DAB1: variants seen among roughly 807,000 people sequenced by gnomAD.
The protein encoded by DAB1 is DAB adaptor protein 1.
Under a neutral mutation model 64.6 loss-of-function variants are expected in DAB1, and 15 were observed. The ratio of observed to expected loss-of-function variants is 0.23; its 90% CI spans 0.16 to 0.36. The LOEUF (loss-of-function observed/expected upper bound fraction) is 0.36. Among genes scored for constraint, DAB1 ranks in the 10% least tolerant of loss-of-function variants. The pLI, the probability that DAB1 is intolerant of heterozygous loss-of-function variation, is 1.00. For synonymous variants in DAB1, 235 were observed against 251.9 expected, an observed-to-expected ratio of 0.93 and a Z score of 0.64; for missense variants, 596 against 706.7, an observed-to-expected ratio of 0.84 and a Z score of 1.78.
intron 7 of DAB1, among the ~76,000 whole-genome samples, chr1:57,502,467 A>G (rs1406908713): frequency 6.6e-6 from 1 of 152,152 alleles, no homozygotes; most frequent in East Asian, 1.9e-4. Context: ...ACTTTCTTTC[A>G]CAGCACTTAA....
chr1:58,474,514 C>T (rs1220996016), intron 3 of DAB1, among the ~76,000 whole-genome samples: 1 of 152,096 alleles, frequency 6.6e-6, no homozygotes, highest in Admixed American at 6.6e-5. Context: ...CTTTGGGTAC[C>T]TGTTAGGGTC....
chr1:58,423,318 A>G (rs1252224521), intron 3 of DAB1, among the ~76,000 whole-genome samples: 3 of 152,170 alleles, frequency 2.0e-5, no homozygotes, highest in African/African-American at 7.2e-5. Flanking sequence ...GCCAAGTCCA[A>G]TATCAAAAAA....
At chr1:57,784,425 A>G (rs1368317444) in intron 6 of DAB1, among the ~76,000 whole-genome samples, 1 of 152,126 alleles carries the variant, frequency 6.6e-6, no homozygotes, top group Non-Finnish European at 1.5e-5. Context: ...AAAAGCTGAG[A>G]TAGGTATCTT....
chr1:57,798,013 C>A (rs1327242303), intron 6 of DAB1, among the ~76,000 whole-genome samples: 1 of 152,208 alleles, frequency 6.6e-6, no homozygotes, highest in Non-Finnish European at 1.5e-5. Flanking sequence ...TAAATCCTCA[C>A]AACACCATGT....
At chr1:57,610,800 T>C (rs1485535199) in intron 7 of DAB1, among the ~76,000 whole-genome samples, 2 of 152,212 alleles carry the variant, frequency 1.3e-5, no homozygotes, top group Non-Finnish European at 2.9e-5. Context: ...ATCAATTCAC[T>C]TCCCATGAGG....
chr1:57,633,901 T>C (rs78866928), intron 7 of DAB1, among the ~76,000 whole-genome samples: 1 of 152,210 alleles, frequency 6.6e-6, no homozygotes, highest in Admixed American at 6.5e-5. Flanking sequence ...TTAGGTCATA[T>C]AACGTTTGTC....
intron 9 of DAB1, among the ~76,000 whole-genome samples, chr1:57,043,692 C>A (rs11808305): frequency 0.043 from 6,538 of 152,176 alleles, 476 homozygotes; most frequent in African/African-American, 0.15. Flanking sequence ...ACTAAAAATA[C>A]AAAAATTAGC....
chr1:58,441,310 G>A (rs961887942), intron 3 of DAB1, among the ~76,000 whole-genome samples: 1 of 152,208 alleles, frequency 6.6e-6, no homozygotes, highest in Non-Finnish European at 1.5e-5. Context: ...TGACAGAACT[G>A]GGATTTAAAC....
rs1685472636 is a variant in DAB1 at position 57,430,686 on chromosome 1, A to G, written n.626-139520T>C. Among the ~76,000 whole-genome samples, 3 of 152,024 alleles carry G rather than the reference A, an allele frequency of 2.0e-5. No individual in the cohort carries two copies. In the South Asian group the frequency reaches 6.2e-4, roughly 32 times the overall value. The stretch of plus-strand genomic sequence containing the variant: ...ATTTTTAATAAAGTACAATAGGAAC[A>G]CTCCTACCAAGCTTAATAGAGATGT... On this transcript the variant is annotated intron_variant and non_coding_transcript_variant, in intron 7 of 20. Coordinates refer to the DAB1 transcript ENST00000485760.
chr1:57,442,528 A>AT (rs546031178), intron 7 of DAB1, among the ~76,000 whole-genome samples: 117 of 147,392 alleles, frequency 7.9e-4, no homozygotes, highest in East Asian at 6.7e-3. Flanking sequence ...TTGAGTGAGA[A>AT]TTTTTTTTTT....
chr1:58,348,570 T>A (rs974584503), intron 3 of DAB1, among the ~76,000 whole-genome samples: 3 of 152,216 alleles, frequency 2.0e-5, no homozygotes, highest in Non-Finnish European at 2.9e-5. Context: ...CTAGCTTGGG[T>A]CTGGCCCTAA....
chr1:57,508,492 T>C (rs1644371968), intron 7 of DAB1, among the ~76,000 whole-genome samples: 1 of 152,270 alleles, frequency 6.6e-6, no homozygotes, highest in Non-Finnish European at 1.5e-5. Flanking sequence ...CCTTCTTCCT[T>C]GTCCTTTATC....
intron 4 of DAB1, among the ~76,000 whole-genome samples, chr1:57,127,541 T>C (rs766111107): frequency 6.6e-5 from 10 of 152,174 alleles, no homozygotes; most frequent in Non-Finnish European, 1.5e-4. Flanking sequence ...TTCTTTTTTG[T>C]CTCTCCACCT....
intron 6 of DAB1, among the ~76,000 whole-genome samples, chr1:57,805,528 G>C (rs1651320742): frequency 6.6e-6 from 1 of 152,170 alleles, no homozygotes; most frequent in Admixed American, 6.5e-5. Flanking sequence ...GAATAACTCA[G>C]AGAAGGTAAC....
chr1:58,300,576 GAAAGAAAGAAAGAAAGAAAGAA>G (rs1335999811), intron 4 of DAB1, among the ~76,000 whole-genome samples: 9 of 17,390 alleles, frequency 5.2e-4, no homozygotes, highest in African/African-American at 1.5e-3. Context: ...AAGAAAGAAA[GAAAGAAAGAAAGAAAGAAAGAA>G]AGAAAGAAAG....
chr1:58,366,099 G>A (rs1332808474), intron 3 of DAB1, among the ~76,000 whole-genome samples: 4 of 152,174 alleles, frequency 2.6e-5, no homozygotes, highest in African/African-American at 4.8e-5. Flanking sequence ...TATTCCTTAA[G>A]AAGACCAACC....
intron 5 of DAB1, chr1:58,074,379 T>A (rs1649460186): frequency 6.6e-6 from 1 of 151,350 alleles, no homozygotes; most frequent in Non-Finnish European, 1.5e-5. Context: ...ATATACATAT[T>A]TTTCTCTTTC....
chr1:57,656,581 T>A (rs945875271), intron 6 of DAB1, among the ~76,000 whole-genome samples: 2 of 152,216 alleles, frequency 1.3e-5, no homozygotes, highest in East Asian at 3.9e-4. Flanking sequence ...TGCTTCTAGA[T>A]CTTGGAATAA....
At chr1:58,390,258 C>T (rs932536259) in intron 3 of DAB1, among the ~76,000 whole-genome samples, 2 of 152,000 alleles carry the variant, frequency 1.3e-5, no homozygotes, top group South Asian at 4.1e-4. Flanking sequence ...CCATCAGCTG[C>T]CTTCCTCTGT....
Sources: gnomAD v4.1 joint callset for allele counts (sites outside exome capture counted in the v4.1 genomes callset) on GRCh38, gnomAD v4.1.1 for gene constraint, MANE v1.5 for transcripts, NCBI Gene and HGNC (gene_info 2026-07-23, HGNC 2026-07-21) for gene names.